The following NXPH1 variants were observed in gnomAD, a reference collection of about 807,000 sequenced individuals.
NXPH1 encodes the protein neurexophilin 1, also known as neurexophilin-1.
A neutral mutation model predicts 23.7 loss-of-function variants in NXPH1; 5 were observed. The ratio of observed to expected loss-of-function variants is 0.21; its 90% CI spans 0.11 to 0.44. NXPH1 has a LOEUF of 0.44. Among genes scored for constraint, NXPH1 ranks in the 20% least tolerant of loss-of-function variants. The pLI is 0.99. For missense variants in NXPH1, 324 were observed against 321.6 expected, an observed-to-expected ratio of 1.01 and a Z score of -0.06; for synonymous variants, 144 against 122.2, an observed-to-expected ratio of 1.18 and a Z score of -1.18.
chr7:8,747,344 A>C (rs903638905), intron 2 of NXPH1, among the ~76,000 whole-genome samples: 1 of 152,214 alleles, frequency 6.6e-6, no homozygotes, highest in South Asian at 2.1e-4. Context: ...GAGGAGTCTT[A>C]GCAACTTTTT....
Position 8,566,210 on chromosome 7 carries a change from CAG to C in NXPH1, c.54+130445_54+130446del, listed in dbSNP as rs140748446. On this transcript the variant is annotated intron_variant, in intron 2 of 2. Coordinates refer to ENST00000405863, the MANE Select transcript of NXPH1 (RefSeq NM_152745.3). The stretch of plus-strand genomic sequence containing the variant: ...TTTGGCACCATCGATTCTGATGACT[CAG>C]ATACTTGTCCAGATGGAATCATTGG... Among the ~76,000 whole-genome samples the C allele has an allele frequency of 1.4e-4, 21 of 151,924 alleles. No individual in the cohort carries two copies. In the East Asian group the frequency reaches 4.1e-3, roughly 30 times the overall value.
At chr7:8,473,479 C>A (rs146851246) in intron 2 of NXPH1, among the ~76,000 whole-genome samples, 62 of 152,228 alleles carry the variant, frequency 4.1e-4, no homozygotes, top group African/African-American at 1.3e-3. Context: ...AACTGGCATG[C>A]GGGTGTGAGG....
intron 2 of NXPH1, among the ~76,000 whole-genome samples, chr7:8,735,599 A>AT (rs1780237104): frequency 6.6e-6 from 1 of 151,888 alleles, no homozygotes; most frequent in Non-Finnish European, 1.5e-5. Flanking sequence ...TGAAATTTTC[A>AT]TTTTTTGTTG....
chr7:8,585,626 C>T (rs1185464395), intron 2 of NXPH1, among the ~76,000 whole-genome samples: 1 of 152,148 alleles, frequency 6.6e-6, no homozygotes, highest in East Asian at 1.9e-4. Flanking sequence ...CATCCTTGCA[C>T]TCAATCTGGT....
intron 2 of NXPH1, among the ~76,000 whole-genome samples, chr7:8,647,256 GCT>G (rs1447792993): frequency 1.3e-5 from 2 of 152,144 alleles, no homozygotes; most frequent in Non-Finnish European, 2.9e-5. Flanking sequence ...CCACCCAGAG[GCT>G]CTCTCCCCAG....
At chr7:8,469,668 C>T (rs138373250) in intron 2 of NXPH1, among the ~76,000 whole-genome samples, 18 of 152,190 alleles carry the variant, frequency 1.2e-4, no homozygotes, top group African/African-American at 4.3e-4. Context: ...GATCTTTACA[C>T]TTTAATTCTA....
intron 2 of NXPH1, among the ~76,000 whole-genome samples, chr7:8,461,702 C>T (rs928190024): frequency 2.5e-4 from 37 of 150,476 alleles, no homozygotes; most frequent in Admixed American, 1.3e-3. Flanking sequence ...CGGTGGCGGG[C>T]GCCTGTAGTC....
At chr7:8,502,950 A>G (rs1415672640) in intron 2 of NXPH1, among the ~76,000 whole-genome samples, 1 of 151,928 alleles carries the variant, frequency 6.6e-6, no homozygotes, top group Non-Finnish European at 1.5e-5. Context: ...GTACTAGAGA[A>G]CCCATCCATG....
intron 2 of NXPH1, among the ~76,000 whole-genome samples, chr7:8,627,275 T>G (rs759020662): frequency 7.9e-5 from 12 of 152,044 alleles, no homozygotes; most frequent in African/African-American, 1.4e-4. Context: ...GCTCATTCGG[T>G]AAATGAGGCA....
At chr7:8,685,932 G>A (rs943939108) in intron 2 of NXPH1, among the ~76,000 whole-genome samples, 1 of 152,108 alleles carries the variant, frequency 6.6e-6, no homozygotes, top group African/African-American at 2.4e-5. Context: ...TGGATTGGTT[G>A]TAACACCAAG....
At chr7:8,650,461 G>C (rs1820473512) in intron 2 of NXPH1, among the ~76,000 whole-genome samples, 2 of 152,260 alleles carry the variant, frequency 1.3e-5, no homozygotes, top group South Asian at 4.1e-4. Context: ...AGCAGTCTAA[G>C]TTTTAATATT....
chr7:8,455,798 A>T (rs1428948897), intron 2 of NXPH1, among the ~76,000 whole-genome samples: 2 of 152,246 alleles, frequency 1.3e-5, no homozygotes, highest in East Asian at 1.9e-4. Context: ...CCACTAGCCT[A>T]TAAAATATTA....
intron 2 of NXPH1, among the ~76,000 whole-genome samples, chr7:8,711,183 C>T (rs1248525892): frequency 6.6e-6 from 1 of 152,040 alleles, no homozygotes; most frequent in Non-Finnish European, 1.5e-5. Flanking sequence ...CTCAATACAC[C>T]TGGAGAAGAA....
intron 2 of NXPH1, among the ~76,000 whole-genome samples, chr7:8,720,531 ATAAGT>A (rs1779954119): frequency 6.6e-6 from 1 of 152,252 alleles, no homozygotes; most frequent in African/African-American, 2.4e-5. Flanking sequence ...AGACTGAAAG[ATAAGT>A]TTAGTAAATC....
At chr7:8,742,850 A>G (rs1780390366) in intron 2 of NXPH1, among the ~76,000 whole-genome samples, 2 of 152,186 alleles carry the variant, frequency 1.3e-5, no homozygotes, top group South Asian at 2.1e-4. Flanking sequence ...ATCCTGTGGA[A>G]TAGTGAGAAG....
At chr7:8,641,691 CCT>C (rs1820315959) in intron 2 of NXPH1, among the ~76,000 whole-genome samples, 2 of 151,748 alleles carry the variant, frequency 1.3e-5, no homozygotes, top group South Asian at 4.1e-4. Flanking sequence ...TTCCACCACT[CCT>C]CTTTCTATAA....
intron 2 of NXPH1, among the ~76,000 whole-genome samples, chr7:8,470,372 A>G (rs1816853112): frequency 6.6e-6 from 1 of 152,306 alleles, no homozygotes; most frequent in Non-Finnish European, 1.5e-5. Context: ...ACAGACTAAC[A>G]TTCTTGAAGA....
chr7:8,729,329 CT>C (rs1298888319), intron 2 of NXPH1, among the ~76,000 whole-genome samples: 2 of 140,980 alleles, frequency 1.4e-5, no homozygotes, highest in Admixed American at 1.4e-4. Flanking sequence ...TTTTTTGTGT[CT>C]CTATTTCCTT....
chr7:8,515,084 A>G (rs1339525029), intron 2 of NXPH1, among the ~76,000 whole-genome samples: 1 of 152,116 alleles, frequency 6.6e-6, no homozygotes, highest in African/African-American at 2.4e-5. Flanking sequence ...TGCAAGAGAT[A>G]GTGAGACTAA....
Sources: gnomAD v4.1 joint callset for allele counts (sites outside exome capture counted in the v4.1 genomes callset) on GRCh38, gnomAD v4.1.1 for gene constraint, MANE v1.5 for transcripts, NCBI Gene and HGNC (gene_info 2026-07-23, HGNC 2026-07-21) for gene names.